The following NEDD4L variants were observed in gnomAD, a reference collection of about 807,000 sequenced individuals.
NEDD4L encodes the protein NEDD4 like E3 ubiquitin protein ligase, also known as E3 ubiquitin-protein ligase NEDD4-like.
NEDD4L carries 54 observed loss-of-function variants against 148.9 expected under a neutral mutation model. The ratio of observed to expected loss-of-function variants is 0.36; its 90% CI spans 0.29 to 0.45. The LOEUF is 0.45. NEDD4L is among the 20% of genes least tolerant of loss of function. The pLI, the probability that NEDD4L is intolerant of heterozygous loss-of-function variation, is 1.00. For synonymous variants in NEDD4L, 433 were observed against 440.7 expected, an observed-to-expected ratio of 0.98 and a Z score of 0.22; for missense variants, 856 against 1,233.8, an observed-to-expected ratio of 0.69 and a Z score of 4.59.
intron 1 of NEDD4L, among the ~76,000 whole-genome samples, chr18:58,111,126 G>A (rs1003921175): frequency 1.3e-5 from 2 of 152,200 alleles, no homozygotes; most frequent in African/African-American, 4.8e-5. Context: ...GGAGTGGAGT[G>A]GCACAATCTC....
intron 1 of NEDD4L, among the ~76,000 whole-genome samples, chr18:58,129,363 G>A (rs1444668034): frequency 1.3e-5 from 2 of 152,230 alleles, no homozygotes; most frequent in Admixed American, 1.3e-4. Flanking sequence ...TGAAATTTGA[G>A]TACAGATGTG....
rs562893646 is a variant in NEDD4L, at chr18:58,192,063, C to T, written c.122+26202C>T. Among the ~76,000 whole-genome samples the T allele has an allele frequency of 2.4e-4, 37 of 152,024 alleles. No homozygotes were observed. In the South Asian group the frequency reaches 6.5e-3, roughly 27 times the overall value. ...GCATGCACCTGTAGTCCCAGCTGCTCGGGAGGCTGAGGTGGGAGAATAGCT... is the reference window on the plus strand; with the variant it reads ...GCATGCACCTGTAGTCCCAGCTGCTTGGGAGGCTGAGGTGGGAGAATAGCT... On this transcript the variant is annotated intron_variant, in intron 2 of 30. Coordinates refer to ENST00000400345, the MANE Select transcript of NEDD4L (RefSeq NM_001144967.3).
chr18:58,106,886 G>A (rs1256547627), intron 1 of NEDD4L, among the ~76,000 whole-genome samples: 1 of 148,860 alleles, frequency 6.7e-6, no homozygotes, highest in Non-Finnish European at 1.5e-5. Flanking sequence ...TTTGCTTCTT[G>A]ACACGGCAGG....
chr18:58,137,655 C>T (rs1255725174), intron 1 of NEDD4L, among the ~76,000 whole-genome samples: 1 of 152,140 alleles, frequency 6.6e-6, no homozygotes, highest in Non-Finnish European at 1.5e-5. Flanking sequence ...GATTGTGGTG[C>T]AGCTGCTTGA....
At chr18:58,164,178 G>A (rs1179336750) in intron 1 of NEDD4L, among the ~76,000 whole-genome samples, 3 of 149,186 alleles carry the variant, frequency 2.0e-5, no homozygotes, top group African/African-American at 7.3e-5. Context: ...GCCTGACACT[G>A]GAGTCCCTCT....
intron 1 of NEDD4L, among the ~76,000 whole-genome samples, chr18:58,131,374 G>A (rs111586838): frequency 1.4e-5 from 2 of 147,232 alleles, no homozygotes; most frequent in Non-Finnish European, 3.0e-5. Flanking sequence ...GTTGGGCTCT[G>A]TTGGGGTTTG....
chr18:58,098,423 C>T (rs2084556468), intron 1 of NEDD4L, among the ~76,000 whole-genome samples: 1 of 152,164 alleles, frequency 6.6e-6, no homozygotes, highest in Non-Finnish European at 1.5e-5. Context: ...CACTCTCAGC[C>T]TCCGGGCCTT....
intron 9 of NEDD4L, among the ~76,000 whole-genome samples, chr18:58,328,384 C>T (rs1173748576): frequency 1.3e-5 from 2 of 152,180 alleles, no homozygotes; most frequent in Non-Finnish European, 1.5e-5. Context: ...GAGAGGTTAT[C>T]TCCTGATGTT....
At chr18:58,298,005 G>A (rs1022211831) in intron 5 of NEDD4L, among the ~76,000 whole-genome samples, 1 of 152,078 alleles carries the variant, frequency 6.6e-6, no homozygotes, top group Non-Finnish European at 1.5e-5. Context: ...CAGTAAAATA[G>A]CAGTTTAAAT....
At chr18:58,291,031 G>T (rs2054642519) in intron 5 of NEDD4L, among the ~76,000 whole-genome samples, 1 of 136,680 alleles carries the variant, frequency 7.3e-6, no homozygotes, top group Non-Finnish European at 1.6e-5. Context: ...GTCACACAGA[G>T]AGAGAACCAG....
intron 2 of NEDD4L, among the ~76,000 whole-genome samples, chr18:58,216,670 C>T (rs893370224): frequency 6.6e-6 from 1 of 151,996 alleles, no homozygotes; most frequent in African/African-American, 2.4e-5. Context: ...GGGACAGATG[C>T]GCTGGGGAGC....
intron 9 of NEDD4L, among the ~76,000 whole-genome samples, chr18:58,326,217 T>G (rs187847019): frequency 1.1e-3 from 162 of 152,308 alleles, no homozygotes; most frequent in Admixed American, 7.2e-3. Flanking sequence ...AATTTAGAGA[T>G]AAAGCTTGCA....
At chr18:58,121,272 G>T (rs1360140861) in intron 1 of NEDD4L, among the ~76,000 whole-genome samples, 1 of 152,130 alleles carries the variant, frequency 6.6e-6, no homozygotes, top group East Asian at 1.9e-4. Flanking sequence ...TTTGGCCCCT[G>T]TTGGAGCAAA....
intron 2 of NEDD4L, among the ~76,000 whole-genome samples, chr18:58,212,660 G>A (rs1044578810): frequency 1.3e-5 from 2 of 151,980 alleles, no homozygotes; most frequent in Non-Finnish European, 2.9e-5. Flanking sequence ...TTGTGGAGAC[G>A]AGGTTTCACC....
rs538322840 is a variant in NEDD4L at position 58,168,781 on chromosome 18, A to T, written c.122+2920A>T. On this transcript the variant is annotated intron_variant, in intron 2 of 30. Transcript: ENST00000400345. ...AACATTTTCATGAGAGGCATTTCAG[A>T]GCCTTTAAAGTGGTAGAAATCCTGT... Among the ~76,000 whole-genome samples, 7 of 152,336 alleles carry T rather than the reference A, an allele frequency of 4.6e-5. No homozygotes were observed. In the East Asian group the frequency reaches 1.4e-3, roughly 29 times the overall value.
chr18:58,376,223 G>A lies in NEDD4L; in HGVS notation c.2352+2954G>A, dbSNP rs190461342. ...CACAGGGTGTTGGAGTTTTTAAGCA[G>A]GCCTCTAATAAATCTTCTGATGATC... is the stretch of plus-strand genomic sequence containing the variant. On this transcript the variant is annotated intron_variant, in intron 24 of 30. Coordinates refer to ENST00000400345, the MANE Select transcript of NEDD4L (RefSeq NM_001144967.3). Among the ~76,000 whole-genome samples the A allele has an allele frequency of 3.7e-4, 57 of 152,230 alleles. 1 individual carries two copies. Among genetic ancestry groups the A allele is most frequent in the African/African-American group, 1.2e-3 (50 of 41,532 alleles).
At chr18:58,370,826 CCT>C (rs1318492738) in intron 23 of NEDD4L, among the ~76,000 whole-genome samples, 3 of 152,128 alleles carry the variant, frequency 2.0e-5, no homozygotes, top group Admixed American at 1.3e-4. Context: ...ATCCGCTCTC[CCT>C]CTGTTTCCTG....
intron 5 of NEDD4L, among the ~76,000 whole-genome samples, chr18:58,261,705 T>C (rs1008221973): frequency 6.6e-6 from 1 of 152,228 alleles, no homozygotes; most frequent in Non-Finnish European, 1.5e-5. Flanking sequence ...TTCTGGATAG[T>C]TGATGAATAT....
chr18:58,120,077 G>A (rs975275720), intron 1 of NEDD4L, among the ~76,000 whole-genome samples: 4 of 152,148 alleles, frequency 2.6e-5, no homozygotes, highest in Non-Finnish European at 4.4e-5. Context: ...TGCCAGGATC[G>A]GCCTCTCCAG....
Sources: allele counts gnomAD v4.1 joint callset (sites outside exome capture counted in the v4.1 genomes callset), GRCh38; gene constraint gnomAD v4.1.1; transcripts MANE v1.5; gene names NCBI Gene and HGNC (gene_info 2026-07-23, HGNC 2026-07-21).